WDR70: variants seen among roughly 807,000 people sequenced by gnomAD.
The protein encoded by WDR70 is WD repeat-containing protein 70.
WDR70 carries 53 observed loss-of-function variants against 88.6 expected under a neutral mutation model. That is an observed-to-expected ratio of 0.60 (90% CI 0.48 to 0.75). The LOEUF is 0.75. WDR70 is among the 30% of genes least tolerant of loss of function. The pLI, the probability that WDR70 is intolerant of heterozygous loss-of-function variation, is 0.00. For synonymous variants in WDR70, 280 were observed against 270.0 expected, an observed-to-expected ratio of 1.04 and a Z score of -0.36; for missense variants, 610 against 823.2, an observed-to-expected ratio of 0.74 and a Z score of 3.17.
At chr5:37,534,240 C>G (rs1465197410) in intron 9 of WDR70, among the ~76,000 whole-genome samples, 1 of 152,180 alleles carries the variant, frequency 6.6e-6, no homozygotes, top group Non-Finnish European at 1.5e-5. Context: ...GCTAGTCCTG[C>G]CTCCTATTCG....
chr5:37,447,039 C>T (rs1738505700), intron 7 of WDR70, among the ~76,000 whole-genome samples: 1 of 152,098 alleles, frequency 6.6e-6, no homozygotes, highest in Non-Finnish European at 1.5e-5. Context: ...GCAACCTACC[C>T]ATCTGACAAA....
At chr5:37,476,140 G>A (rs995792626) in intron 7 of WDR70, among the ~76,000 whole-genome samples, 4 of 151,906 alleles carry the variant, frequency 2.6e-5, no homozygotes, top group African/African-American at 4.8e-5. Flanking sequence ...ATGAGCCACC[G>A]TGCCTGATCT....
chr5:37,649,733 C>CTTCTTTTTTTTTTTTTTTTTTT (rs1384336784), intron 10 of WDR70, among the ~76,000 whole-genome samples: 1 of 68,738 alleles, frequency 1.5e-5, no homozygotes, highest in African/African-American at 6.4e-5. Flanking sequence ...GTTATTACTT[C>CTTCTTTTTTTTTTTTTTTTTTT]TTTTTTTTTT....
At chr5:37,490,373 A>G (rs1439682949) in intron 8 of WDR70, among the ~76,000 whole-genome samples, 6 of 151,990 alleles carry the variant, frequency 3.9e-5, no homozygotes, top group Admixed American at 6.5e-5. Flanking sequence ...GGAAGGCTCA[A>G]TGACAGAGGT....
intron 8 of WDR70, among the ~76,000 whole-genome samples, chr5:37,488,820 G>T (rs939392030): frequency 6.6e-6 from 1 of 152,216 alleles, no homozygotes; most frequent in Middle Eastern, 3.4e-3. Context: ...TGTTGGTGGA[G>T]AATTATTGTG....
chr5:37,444,895 A>G (rs1181069229), intron 7 of WDR70, among the ~76,000 whole-genome samples: 3 of 152,152 alleles, frequency 2.0e-5, no homozygotes, highest in Non-Finnish European at 2.9e-5. Context: ...GATCCCTCAC[A>G]TGCGCATTTC....
At chr5:37,592,122 C>T (rs1205901578) in intron 9 of WDR70, among the ~76,000 whole-genome samples, 1 of 152,044 alleles carries the variant, frequency 6.6e-6, no homozygotes, top group Non-Finnish European at 1.5e-5. Flanking sequence ...GTTTGGGATT[C>T]AAATTGTGGA....
At chr5:37,562,740 G>A (rs1240843890) in intron 9 of WDR70, among the ~76,000 whole-genome samples, 1 of 152,024 alleles carries the variant, frequency 6.6e-6, no homozygotes, top group African/African-American at 2.4e-5. Flanking sequence ...CACCGCACAT[G>A]TTTCAGAGAG....
chr5:37,648,884 T>A (rs1413144706), intron 10 of WDR70, among the ~76,000 whole-genome samples: 1 of 152,244 alleles, frequency 6.6e-6, no homozygotes, highest in Non-Finnish European at 1.5e-5. Flanking sequence ...TTGATCCTAT[T>A]GAATTTTGCT....
intron 7 of WDR70, among the ~76,000 whole-genome samples, chr5:37,445,970 A>T (rs559340536): frequency 3.3e-5 from 5 of 152,296 alleles, no homozygotes; most frequent in Middle Eastern, 3.4e-3. Flanking sequence ...AATAAAGGGT[A>T]TTCAGTTAGA....
At chr5:37,383,377 A>G (rs1748493516) in intron 3 of WDR70, among the ~76,000 whole-genome samples, 1 of 151,944 alleles carries the variant, frequency 6.6e-6, no homozygotes, top group African/African-American at 2.4e-5. Context: ...CTCTTGCCTC[A>G]GCCTCCTGAG....
chr5:37,539,661 T>C (rs1741759236), intron 9 of WDR70, among the ~76,000 whole-genome samples: 1 of 152,232 alleles, frequency 6.6e-6, no homozygotes, highest in African/African-American at 2.4e-5. Flanking sequence ...TGTACAAACC[T>C]GTGCACAGGA....
chr5:37,595,925 G>T (rs989280195), intron 9 of WDR70, among the ~76,000 whole-genome samples: 3 of 152,126 alleles, frequency 2.0e-5, no homozygotes, highest in Admixed American at 2.0e-4. Context: ...TCTATATACA[G>T]TGAGGTGCAA....
intron 7 of WDR70, among the ~76,000 whole-genome samples, chr5:37,449,590 C>CAAAAAAAAAAAAA (rs376148041): frequency 5.8e-5 from 5 of 85,730 alleles, no homozygotes; most frequent in African/African-American, 2.2e-4. Context: ...AATTTTGTCT[C>CAAAAAAAAAAAAA]AAAAAAAAAA....
At chr5:37,620,617 A>AT (rs1055828475) in intron 10 of WDR70, among the ~76,000 whole-genome samples, 89 of 151,340 alleles carry the variant, frequency 5.9e-4, no homozygotes, top group Middle Eastern at 6.8e-3. Context: ...TGTGCACTCC[A>AT]TTTTTTTTTG....
At chr5:37,597,523 A>AT (rs1233638194) in intron 9 of WDR70, among the ~76,000 whole-genome samples, 159 of 152,266 alleles carry the variant, frequency 1.0e-3, no homozygotes, top group African/African-American at 3.7e-3. Flanking sequence ...ATCTTTTCCC[A>AT]TTTTAAATAT....
rs974348480 is a variant in WDR70, at chr5:37,752,445, C to G, written c.1878-41C>G. 3 of 1,513,548 alleles carry G rather than the reference C, an allele frequency of 2.0e-6. No individual in the cohort carries two copies. The Admixed American group carries it at 5.8e-5, about 29-fold the overall frequency. The allele number at this position is 1,513,548 out of a possible 1,614,324, so 93.8% of individuals were successfully genotyped here. A position where few individuals can be genotyped will look rare whatever the true frequency, so the allele number is the denominator to read the frequency against. On this transcript the variant is annotated intron_variant, in intron 17 of 17. Transcript: ENST00000265107. ...CAAAATCTAATGTAACAAATACTTT[C>G]TGACTAAATTTTTCCTTCTCTTCTT...
intron 9 of WDR70, among the ~76,000 whole-genome samples, chr5:37,585,985 A>G (rs113234305): frequency 1.6e-4 from 24 of 152,322 alleles, no homozygotes; most frequent in African/African-American, 5.5e-4. Context: ...ATCAGATATC[A>G]GATCATTTAC....
intron 16 of WDR70, among the ~76,000 whole-genome samples, chr5:37,725,846 G>A (rs551257010): frequency 9.2e-5 from 14 of 152,010 alleles, no homozygotes; most frequent in African/African-American, 3.1e-4. Flanking sequence ...AGCTTTTCAT[G>A]TTGCTACAGC....
Sources: allele counts gnomAD v4.1 joint callset (sites outside exome capture counted in the v4.1 genomes callset), GRCh38; gene constraint gnomAD v4.1.1; transcripts MANE v1.5; gene names NCBI Gene and HGNC (gene_info 2026-07-23, HGNC 2026-07-21).